The following ABTB2 variants were observed in gnomAD, a reference collection of about 807,000 sequenced individuals.
ABTB2 encodes ankyrin repeat and BTB/POZ domain-containing protein 2.
Under a neutral mutation model 104.1 loss-of-function variants are expected in ABTB2, and 56 were observed. That is an observed-to-expected ratio of 0.54 (90% confidence interval 0.43 to 0.67). The LOEUF (loss-of-function observed/expected upper bound fraction) is 0.67, where lower values mean the gene tolerates loss of function less well. Ranked by LOEUF, ABTB2 falls within the 30% of genes least tolerant of loss-of-function variation. The pLI is 0.00. For missense variants in ABTB2, 1,279 were observed against 1,407.7 expected (o/e 0.91, Z 1.46); for synonymous variants, 606 against 608.2 (o/e 1.00, Z 0.05).
intron 1 of ABTB2, among the ~76,000 whole-genome samples, chr11:34,267,135 T>C (rs1214120730): frequency 6.6e-6 from 1 of 152,194 alleles, no homozygotes; most frequent in African/African-American, 2.4e-5. Context: ...GCAGCAGACG[T>C]GCACGTCGGA....
At chr11:34,266,991 C>A (rs1827607151) in intron 1 of ABTB2, among the ~76,000 whole-genome samples, 1 of 59,106 alleles carries the variant, frequency 1.7e-5, no homozygotes, top group Admixed American at 2.7e-4. Context: ...TCCCCAAAAG[C>A]TTTTTCCTTT....
Position 34,166,990 on chromosome 11 carries a change from G to T in ABTB2, c.1755+269C>A, listed in dbSNP as rs7109960. On this transcript the variant is annotated intron_variant, in intron 7 of 16. Transcript: ENST00000435224. The stretch of plus-strand genomic sequence containing the variant: ...CCCAGTGTGCCCGACACGAGAGAGA[G>T]AGAGATGCCGGGAGGGCATGACAGG... 9.8e-3 allele frequency among the ~76,000 whole-genome samples: 1,493 copies of T among 152,372 alleles called. 26 individuals are homozygous for T. The highest frequency in any genetic ancestry group is 0.032 in the African/African-American group (1,337 of 41,592).
intron 1 of ABTB2, among the ~76,000 whole-genome samples, chr11:34,298,713 C>T (rs1053564959): frequency 1.3e-5 from 2 of 152,118 alleles, no homozygotes; most frequent in African/African-American, 4.8e-5. Context: ...CTGCCTGCCT[C>T]GGCCTCCCAA....
At chr11:34,246,010 C>T (rs992449142) in intron 1 of ABTB2, among the ~76,000 whole-genome samples, 9 of 152,236 alleles carry the variant, frequency 5.9e-5, no homozygotes, top group African/African-American at 2.2e-4. Flanking sequence ...CAGGGACTGG[C>T]TTTGCTGCCA....
At chr11:34,175,964 C>T (rs1441422900) in intron 3 of ABTB2, among the ~76,000 whole-genome samples, 1 of 152,158 alleles carries the variant, frequency 6.6e-6, no homozygotes, top group Non-Finnish European at 1.5e-5. Context: ...GAAGCCTTCC[C>T]AGATTCTCTC....
At chr11:34,201,783 A>C (rs566740029) in intron 2 of ABTB2, among the ~76,000 whole-genome samples, 1 of 152,338 alleles carries the variant, frequency 6.6e-6, no homozygotes, top group African/African-American at 2.4e-5. Context: ...TTGGCACATG[A>C]CACAGCCTGT....
intron 14 of ABTB2, among the ~76,000 whole-genome samples, chr11:34,155,932 G>A (rs190066640): frequency 3.3e-5 from 5 of 152,348 alleles, no homozygotes; most frequent in African/African-American, 1.2e-4. Flanking sequence ...CACTGAGTGA[G>A]TGCTCAGTAA....
chr11:34,187,343 G>A (rs567837835), intron 3 of ABTB2, among the ~76,000 whole-genome samples: 5 of 152,280 alleles, frequency 3.3e-5, no homozygotes, highest in East Asian at 1.9e-4. Flanking sequence ...AGTTGGCTTC[G>A]TCTTTGATCC....
At chr11:34,229,485 A>G (rs1284466290) in intron 1 of ABTB2, among the ~76,000 whole-genome samples, 8 of 151,708 alleles carry the variant, frequency 5.3e-5, no homozygotes, top group Admixed American at 5.2e-4. Flanking sequence ...CATCTCAAAA[A>G]AAAAAAAAAA....
chr11:34,289,234 T>C (rs1328854848), intron 1 of ABTB2, among the ~76,000 whole-genome samples: 1 of 152,200 alleles, frequency 6.6e-6, no homozygotes, highest in African/African-American at 2.4e-5. Flanking sequence ...TCCTATTCTA[T>C]CTTGGTCCAT....
intron 1 of ABTB2, among the ~76,000 whole-genome samples, chr11:34,352,658 C>T (rs1328072834): frequency 6.6e-6 from 1 of 152,148 alleles, no homozygotes; most frequent in Non-Finnish European, 1.5e-5. Flanking sequence ...ATTCTCATAC[C>T]ACCCATATAA....
At chr11:34,306,029 G>A (rs2611093) in intron 1 of ABTB2, among the ~76,000 whole-genome samples, 18,041 of 151,926 alleles carry the variant, frequency 0.12, 1,435 homozygotes, top group African/African-American at 0.22. Context: ...TCATTTGTTC[G>A]TATAAAAAAA....
At chr11:34,302,730 C>G (rs1223127367) in intron 1 of ABTB2, among the ~76,000 whole-genome samples, 1 of 152,208 alleles carries the variant, frequency 6.6e-6, no homozygotes, top group Non-Finnish European at 1.5e-5. Context: ...CCCTCCAGAC[C>G]ACAACCTCTT....
chr11:34,303,002 T>C (rs1034054208), intron 1 of ABTB2, among the ~76,000 whole-genome samples: 28 of 152,226 alleles, frequency 1.8e-4, no homozygotes, highest in African/African-American at 6.8e-4. Flanking sequence ...GGCAGATTGA[T>C]TCCTGATGGC....
At chr11:34,156,721 T>C (rs1852633134) in intron 14 of ABTB2, among the ~76,000 whole-genome samples, 1 of 152,034 alleles carries the variant, frequency 6.6e-6, no homozygotes, top group Non-Finnish European at 1.5e-5. Context: ...ATACGGTTTC[T>C]ACATGTTGGT....
Position 34,357,221 on chromosome 11 carries a change from G to A in ABTB2, c.363C>T (p.Ser121=), listed in dbSNP as rs1174309781. 1 of 1,509,828 alleles carries A rather than the reference G, an allele frequency of 6.6e-7. No individual in the cohort carries two copies. The highest frequency in any genetic ancestry group is 8.8e-7 in the Non-Finnish European group (1 of 1,135,858). The allele number at this position is 1,509,828 out of a possible 1,614,324, so 93.5% of individuals were successfully genotyped here. ...CGGCCAGGCGCCTCACCGCCTCGGCGGAGAACTGGGGCAGCCGCCGGCCGC... is the reference window on the plus strand; with the variant it reads ...CGGCCAGGCGCCTCACCGCCTCGGCAGAGAACTGGGGCAGCCGCCGGCCGC... ...GAGGRRLPQF[S]AEAVRRLAGL... is the part of the protein sequence containing the mutation. The change falls in exon 1 of 17, where the codon TCC becomes TCT. Residue 121 remains serine, a synonymous_variant. Transcript: ENST00000435224.
At chr11:34,304,625 G>C (rs1176132008) in intron 1 of ABTB2, among the ~76,000 whole-genome samples, 3 of 152,106 alleles carry the variant, frequency 2.0e-5, no homozygotes, top group African/African-American at 7.2e-5. Flanking sequence ...TTTGAGACCA[G>C]CCTGGGCAAT....
At chr11:34,156,523 CTTTTTT>C (rs397764001) in intron 14 of ABTB2, among the ~76,000 whole-genome samples, 2 of 142,412 alleles carry the variant, frequency 1.4e-5, no homozygotes, top group South Asian at 4.5e-4. Flanking sequence ...TGCTCAGTAA[CTTTTTT>C]TTTTTTTTTT....
At position 34,219,740 on chromosome 11, in the gene ABTB2, A is replaced by T. The variant is rs115322161; in HGVS notation, c.884-15050T>A. Among the ~76,000 whole-genome samples, 684 of 152,316 alleles carry T rather than the reference A, an allele frequency of 4.5e-3. 4 individuals are homozygous for T. Among genetic ancestry groups the T allele is most frequent in the African/African-American group, 0.016 (662 of 41,554 alleles). ...CCAGGAGCACTTGGATATACCATAT[A>T]GCCTAGGTGTGTAGGAAGCTATACC... On this transcript the variant is annotated intron_variant, in intron 1 of 16. Coordinates refer to ENST00000435224, the MANE Select transcript of ABTB2 (RefSeq NM_145804.3).
Sources: gnomAD v4.1 joint callset for allele counts (sites outside exome capture counted in the v4.1 genomes callset) on GRCh38, gnomAD v4.1.1 for gene constraint, MANE v1.5 for transcripts, NCBI Gene and HGNC (gene_info 2026-07-23, HGNC 2026-07-21) for gene names.